SGPP1: variants seen among roughly 807,000 people sequenced by gnomAD.
SGPP1 encodes hSPP1.
SGPP1 carries 21 observed loss-of-function variants against 33.0 expected under a neutral mutation model. The observed-to-expected ratio is 0.64, with a 90% CI of 0.45 to 0.92. SGPP1 has a LOEUF of 0.92. Ranked by LOEUF, SGPP1 falls within the 40% of genes least tolerant of loss-of-function variation. The pLI, the probability that SGPP1 is intolerant of heterozygous loss-of-function variation, is 0.00. For synonymous variants in SGPP1, 239 were observed against 241.2 expected (o/e 0.99, Z 0.08); for missense variants, 543 against 589.4 (o/e 0.92, Z 0.81).
chr14:63,715,603 A>G (rs1885607399), intron 1 of SGPP1, among the ~76,000 whole-genome samples: 1 of 152,140 alleles, frequency 6.6e-6, no homozygotes, highest in South Asian at 2.1e-4. Flanking sequence ...AGGCTGTAGC[A>G]CAGGAGGAAG....
chr14:63,711,157 G>A (rs1222837261), intron 1 of SGPP1, among the ~76,000 whole-genome samples: 2 of 151,988 alleles, frequency 1.3e-5, no homozygotes, highest in African/African-American at 2.4e-5. Flanking sequence ...GGGATTACAG[G>A]CGTCCACCAC....
chr14:63,686,470 C>G lies in SGPP1; in HGVS notation c.961G>C (p.Glu321Gln), dbSNP rs760448063. Residue 321 changes from glutamate to glutamine, a missense_variant, in exon 3 of 3, where the codon GAG (glutamate) becomes CAG (glutamine). By Grantham distance (29) the Glu-to-Gln change is conservative (BLOSUM62 2). Coordinates refer to ENST00000247225, the MANE Select transcript of SGPP1 (RefSeq NM_030791.4). ...TWSTSRGDTA[E>Q]ILGSGAGIAC... The stretch of plus-strand genomic sequence containing the variant: ...ATTCCAGCACCACTTCCTAGTATCT[C>G]GGCTGTGTCTCCTCGGGATGTGCTC... 1.9e-6 allele frequency: 3 copies of G among 1,614,076 alleles called. No homozygotes were observed. The highest frequency in any genetic ancestry group is 2.5e-6 in the Non-Finnish European group (3 of 1,180,020).
intron 2 of SGPP1, among the ~76,000 whole-genome samples, chr14:63,688,592 A>T (rs1158446663): frequency 6.6e-6 from 1 of 151,976 alleles, no homozygotes; most frequent in African/African-American, 2.4e-5. Context: ...TTACTGAAAA[A>T]CTTATCAATG....
At chr14:63,709,490 T>C (rs1186204767) in intron 1 of SGPP1, among the ~76,000 whole-genome samples, 2 of 152,204 alleles carry the variant, frequency 1.3e-5, no homozygotes, top group African/African-American at 2.4e-5. Context: ...TAATTCCTTT[T>C]CCAATTTATC....
intron 2 of SGPP1, among the ~76,000 whole-genome samples, chr14:63,694,307 C>A (rs1406337133): frequency 1.3e-5 from 2 of 151,592 alleles, no homozygotes; most frequent in African/African-American, 2.4e-5. Flanking sequence ...AGAAAAAATT[C>A]ATTAAATGTC....
At chr14:63,702,983 C>T (rs1352162555) in intron 1 of SGPP1, among the ~76,000 whole-genome samples, 1 of 151,936 alleles carries the variant, frequency 6.6e-6, no homozygotes, top group South Asian at 2.1e-4. Flanking sequence ...GTATATATAG[C>T]GTTGACTACT....
intron 1 of SGPP1, among the ~76,000 whole-genome samples, chr14:63,709,544 C>T (rs1336433332): frequency 6.6e-6 from 1 of 152,006 alleles, no homozygotes; most frequent in Non-Finnish European, 1.5e-5. Context: ...AAATGGGTAA[C>T]AATTTTAAAT....
intron 1 of SGPP1, among the ~76,000 whole-genome samples, chr14:63,720,139 A>C (rs1042185762): frequency 2.6e-5 from 4 of 151,358 alleles, no homozygotes; most frequent in Non-Finnish European, 2.9e-5. Flanking sequence ...AAAAAAAAAA[A>C]AAAACATGCT....
rs1374091988 is a variant in SGPP1, at chr14:63,685,859, T to C, written c.*246A>G. On this transcript the variant is annotated 3_prime_UTR_variant, in exon 3 of 3. Transcript: ENST00000247225. ...AAGTTGAATCCATAATACAAAACTC[T>C]CCAAACATTACATGAACATTCTAAA... 8.8e-6 allele frequency: 2 copies of C among 227,398 alleles called. No individual in the cohort carries two copies. Among genetic ancestry groups the C allele is most frequent in the Non-Finnish European group, 1.7e-5 (2 of 117,228 alleles). The allele number at this position is 227,398 out of a possible 1,614,324, so 14.1% of individuals were successfully genotyped here. A position where few individuals can be genotyped will look rare whatever the true frequency, so the allele number is the denominator to read the frequency against.
At chr14:63,713,162 T>C (rs900113496) in intron 1 of SGPP1, among the ~76,000 whole-genome samples, 4 of 152,146 alleles carry the variant, frequency 2.6e-5, no homozygotes, top group Non-Finnish European at 5.9e-5. Flanking sequence ...AGATGACTTA[T>C]AGACACTTCA....
chr14:63,718,992 ATATATATATATATATATATATATTTTTT>A (rs1304347757), intron 1 of SGPP1, among the ~76,000 whole-genome samples: 7 of 16,596 alleles, frequency 4.2e-4, no homozygotes, highest in African/African-American at 1.3e-3. Flanking sequence ...ATATATATAT[ATATATATATATATATATATATATTTTTT>A]TTTTTTTTTT....
chr14:63,722,075 G>A (rs1595073852), intron 1 of SGPP1, among the ~76,000 whole-genome samples: 1 of 152,066 alleles, frequency 6.6e-6, no homozygotes, highest in Non-Finnish European at 1.5e-5. Flanking sequence ...TTACTGGCTA[G>A]GTTACTTTGC....
chr14:63,717,952 A>G (rs1029616925), intron 1 of SGPP1, among the ~76,000 whole-genome samples: 1 of 152,198 alleles, frequency 6.6e-6, no homozygotes, highest in African/African-American at 2.4e-5. Flanking sequence ...TAGTACTAAA[A>G]GTGCCAAAAG....
rs1004230672 is a variant in SGPP1, at chr14:63,685,845, A to G, written c.*260T>C. 5.2e-6 allele frequency: 1 copy of G among 192,604 alleles called. No individual in the cohort carries two copies. Among genetic ancestry groups the G allele is most frequent in the African/African-American group, 2.4e-5 (1 of 42,534 alleles). 11.9% of individuals were successfully genotyped at this position (192,604 alleles called of 1,614,324 possible). On this transcript the variant is annotated 3_prime_UTR_variant, in exon 3 of 3. Coordinates refer to ENST00000247225, the MANE Select transcript of SGPP1 (RefSeq NM_030791.4). ...TATATATTATATATAAGTTGAATCC[A>G]TAATACAAAACTCTCCAAACATTAC...
In SGPP1 at chr14:63,727,776, C is replaced by T; in HGVS notation, c.169G>A (p.Gly57Arg). 1 of 1,497,578 alleles carries T rather than the reference C, an allele frequency of 6.7e-7. No individual in the cohort carries two copies. Among genetic ancestry groups the T allele is most frequent in the Non-Finnish European group, 8.9e-7 (1 of 1,129,914 alleles). The allele number at this position is 1,497,578 out of a possible 1,614,324, so 92.8% of individuals were successfully genotyped here. The change falls in exon 1 of 3, where the codon GGG becomes AGG. Residue 57 changes from glycine (G) to arginine (R), a missense_variant. Gly to Arg is a moderately radical substitution (Grantham distance 125). Transcript: ENST00000247225. ...CCTCCAGGCGCCCCTGGCTGCCGCC[C>T]TCGCAGTCGAGGGTCTCCGGCGAGA... ...APLAGDPRLR[G>R]RQPGAPGGPQ...
At chr14:63,697,971 C>A (rs1281525242) in intron 2 of SGPP1, among the ~76,000 whole-genome samples, 1 of 152,034 alleles carries the variant, frequency 6.6e-6, no homozygotes, top group African/African-American at 2.4e-5. Context: ...ATGTTGCAGG[C>A]CAGAGCTAAG....
chr14:63,723,271 C>G (rs1199665255), intron 1 of SGPP1, among the ~76,000 whole-genome samples: 1 of 152,030 alleles, frequency 6.6e-6, no homozygotes, highest in Non-Finnish European at 1.5e-5. Flanking sequence ...GAGCAATAAC[C>G]ATTATCCTAG....
chr14:63,712,287 G>T (rs1278670759), intron 1 of SGPP1, among the ~76,000 whole-genome samples: 2 of 151,620 alleles, frequency 1.3e-5, no homozygotes, highest in Admixed American at 1.3e-4. Flanking sequence ...TTCTTTTCTA[G>T]AAACACCCTC....
chr14:63,715,181 T>C (rs1245924984), intron 1 of SGPP1, among the ~76,000 whole-genome samples: 1 of 151,698 alleles, frequency 6.6e-6, no homozygotes, highest in Non-Finnish European at 1.5e-5. Context: ...GCCCAGCTAA[T>C]TGTTTGTATT....
Sources: gnomAD v4.1 joint callset for allele counts (sites outside exome capture counted in the v4.1 genomes callset) on GRCh38, gnomAD v4.1.1 for gene constraint, MANE v1.5 for transcripts, NCBI Gene and HGNC (gene_info 2026-07-23, HGNC 2026-07-21) for gene names.